Variants in AOPEP observed in about 807,000 individuals in gnomAD.
The protein encoded by AOPEP is aminopeptidase O (putative).
A neutral mutation model predicts 98.1 loss-of-function variants in AOPEP; 77 were observed. That is an observed-to-expected ratio of 0.78 (90% CI 0.65 to 0.95). AOPEP has a LOEUF of 0.95. Among genes scored for constraint, AOPEP ranks in the 40% least tolerant of loss-of-function variants. The pLI, the probability that AOPEP is intolerant of heterozygous loss-of-function variation, is 0.00. For missense variants in AOPEP, 1,024 were observed against 1,024.7 expected (o/e 1.00, Z 0.01); for synonymous variants, 346 against 365.3 (o/e 0.95, Z 0.60).
intron 1 of AOPEP, among the ~76,000 whole-genome samples, chr9:94,751,388 A>G (rs752698186): frequency 3.3e-5 from 5 of 152,242 alleles, no homozygotes; most frequent in Non-Finnish European, 7.3e-5. Context: ...AAGCAGACAC[A>G]TGTAAAACTA....
At position 95,005,581 on chromosome 9, in the gene AOPEP, C is replaced by A. The variant is rs1589237102; in HGVS notation, c.2080C>A (p.Arg694=). 6.2e-7 allele frequency: 1 copy of A among 1,613,892 alleles called. No individual in the cohort carries two copies. Among genetic ancestry groups the A allele is most frequent in the Non-Finnish European group, 8.5e-7 (1 of 1,179,932 alleles). The change falls in exon 13 of 17, where the codon CGG becomes AGG. Residue 694 remains arginine, a synonymous_variant. Coordinates refer to ENST00000375315, the MANE Select transcript of AOPEP (RefSeq NM_001193329.3). ...WIGVNRRPRK[R]KRREKEEVFE... ...TGGAGTGAACCGGAGACCCCGAAAA[C>A]GGAAGCGCAGGGAGAAGGAAGAGGT...
intron 13 of AOPEP, among the ~76,000 whole-genome samples, chr9:95,031,196 T>C (rs1333289861): frequency 3.3e-5 from 5 of 152,184 alleles, no homozygotes; most frequent in Non-Finnish European, 7.3e-5. Context: ...AATATAAATA[T>C]GCGTGGCCAA....
intron 5 of AOPEP, among the ~76,000 whole-genome samples, chr9:94,913,281 G>GGAGACTTTGGA (rs113202437): frequency 6.6e-6 from 1 of 151,902 alleles, no homozygotes; most frequent in East Asian, 1.9e-4. Context: ...GTTAAAATCA[G>GGAGACTTTGGA]GAGACTTTGG....
intron 5 of AOPEP, among the ~76,000 whole-genome samples, chr9:94,922,668 A>G (rs1388717604): frequency 1.3e-5 from 2 of 151,924 alleles, no homozygotes; most frequent in African/African-American, 4.8e-5. Context: ...GCTCTGAACA[A>G]TACTGTTGGT....
chr9:95,106,989 A>G, the AOPEP span: 1 of 1,424,902 alleles, frequency 7.0e-7, no homozygotes, highest in Non-Finnish European at 9.8e-7. Flanking sequence ...TGCAGAGGCC[A>G]GACCCTCGGA....
At chr9:95,038,979 G>A (rs900419347) in intron 13 of AOPEP, among the ~76,000 whole-genome samples, 3 of 152,214 alleles carry the variant, frequency 2.0e-5, no homozygotes, top group South Asian at 4.2e-4. Context: ...TTTGGCAATC[G>A]AAATGATCCT....
chr9:94,773,382 T>C (rs1425246077), intron 3 of AOPEP: 2 of 408,502 alleles, frequency 4.9e-6, no homozygotes, highest in Non-Finnish European at 8.9e-6. Flanking sequence ...CATACTAGAG[T>C]TGTCGGTTCA....
intron 13 of AOPEP, among the ~76,000 whole-genome samples, chr9:95,030,961 A>G (rs2064247522): frequency 6.6e-6 from 1 of 152,254 alleles, no homozygotes; most frequent in South Asian, 2.1e-4. Flanking sequence ...ACTTCAAAGT[A>G]GCATAATCAA....
At chr9:95,051,674 C>T (rs2066377110) in intron 13 of AOPEP, among the ~76,000 whole-genome samples, 1 of 152,000 alleles carries the variant, frequency 6.6e-6, no homozygotes, top group Non-Finnish European at 1.5e-5. Context: ...GAATAATTAA[C>T]CAGATCTGTA....
chr9:94,992,866 C>T (rs1237538809), intron 11 of AOPEP, among the ~76,000 whole-genome samples: 6 of 152,158 alleles, frequency 3.9e-5, no homozygotes, highest in Admixed American at 3.3e-4. Flanking sequence ...GTAGAATTGC[C>T]CTCAGACTTA....
chr9:95,137,845 G>A, the AOPEP span, among the ~76,000 whole-genome samples: 1 of 152,240 alleles, frequency 6.6e-6, no homozygotes, highest in Admixed American at 6.5e-5. Context: ...AAGATACAAA[G>A]GGGCGAATGA....
chr9:95,078,452 G>A (rs370242702), intron 14 of AOPEP, among the ~76,000 whole-genome samples: 7 of 152,358 alleles, frequency 4.6e-5, no homozygotes, highest in African/African-American at 1.7e-4. Flanking sequence ...CCAAAAGTGT[G>A]GTGTGGTCAG....
At chr9:95,015,579 T>C (rs1162263588) in intron 13 of AOPEP, among the ~76,000 whole-genome samples, 1 of 152,232 alleles carries the variant, frequency 6.6e-6, no homozygotes, top group Non-Finnish European at 1.5e-5. Context: ...ATAGGAGAAT[T>C]TATAGATAGA....
rs908882079 is a variant in AOPEP at position 95,016,139 on chromosome 9, T to C, written c.2115+10523T>C. Among the ~76,000 whole-genome samples the C allele has an allele frequency of 7.9e-5, 12 of 152,164 alleles. No individual in the cohort carries two copies. The East Asian group carries it at 1.2e-3, about 15-fold the overall frequency. ...TTTACTTGCATTAAGCTTTTTTTTT[T>C]TTTCCCCCCACGGTAAACCTTTGGT... On this transcript the variant is annotated intron_variant, in intron 13 of 16. Coordinates refer to ENST00000375315, the MANE Select transcript of AOPEP (RefSeq NM_001193329.3).
rs962078940 is a variant in AOPEP at position 95,044,939 on chromosome 9, CG to C, written c.2116-15753del. ...GATCATGGGTTGCGTCAGTCCCTCT[CG>C]GCACACATCTCAGGCTGTGCAGAGT... is the stretch of plus-strand genomic sequence containing the variant. On this transcript the variant is annotated intron_variant, in intron 13 of 16. Coordinates refer to ENST00000375315, the MANE Select transcript of AOPEP (RefSeq NM_001193329.3). Among the ~76,000 whole-genome samples the C allele has an allele frequency of 1.0e-3, 156 of 152,290 alleles. 1 individual carries two copies. Among genetic ancestry groups the C allele is most frequent in the Non-Finnish European group, 1.1e-3 (76 of 68,028 alleles).
At chr9:95,023,741 T>C (rs2063636039) in intron 13 of AOPEP, among the ~76,000 whole-genome samples, 1 of 152,188 alleles carries the variant, frequency 6.6e-6, no homozygotes, top group African/African-American at 2.4e-5. Flanking sequence ...GTAACTATTA[T>C]TCTTGTGTGG....
At position 94,960,979 on chromosome 9, in the gene AOPEP, A is replaced by G. The variant is rs2058792602; in HGVS notation, c.1872+4964A>G. Among the ~76,000 whole-genome samples the G allele has an allele frequency of 2.1e-5, 3 of 146,322 alleles. No individual in the cohort carries two copies. In the Admixed American group the frequency reaches 2.1e-4, roughly 10 times the overall value. On this transcript the variant is annotated intron_variant, in intron 9 of 16. Coordinates refer to ENST00000375315, the MANE Select transcript of AOPEP (RefSeq NM_001193329.3). ...GTGAGCCGAGATTGCGCGCCACTGC[A>G]CTCCGGCCTGGGCGACAGAGCGAGA...
At position 95,010,695 on chromosome 9, in the gene AOPEP, C is replaced by T. The variant is rs570197762; in HGVS notation, c.2115+5079C>T. ...AAGCTTTATGGATTCTAGTGAGTCACGGCTCTTGAAGCACCAGCCTACCCG... is the reference window on the plus strand; with the variant it reads ...AAGCTTTATGGATTCTAGTGAGTCATGGCTCTTGAAGCACCAGCCTACCCG... On this transcript the variant is annotated intron_variant, in intron 13 of 16. Coordinates refer to ENST00000375315, the MANE Select transcript of AOPEP (RefSeq NM_001193329.3). Among the ~76,000 whole-genome samples the T allele has an allele frequency of 5.9e-5, 9 of 152,304 alleles. No homozygotes were observed. In the South Asian group the frequency reaches 1.0e-3, roughly 18 times the overall value.
chr9:95,075,690 G>C (rs2068974057), intron 14 of AOPEP, among the ~76,000 whole-genome samples: 1 of 152,086 alleles, frequency 6.6e-6, no homozygotes, highest in African/African-American at 2.4e-5. Flanking sequence ...AGACCAGCCT[G>C]GGCAACAATA....
Sources: gnomAD v4.1 joint callset for allele counts (sites outside exome capture counted in the v4.1 genomes callset) on GRCh38, gnomAD v4.1.1 for gene constraint, MANE v1.5 for transcripts, NCBI Gene and HGNC (gene_info 2026-07-23, HGNC 2026-07-21) for gene names.